The following JUP variants were observed in gnomAD, a reference collection of about 807,000 sequenced individuals.
JUP encodes catenin (cadherin-associated protein), gamma 80kDa.
In JUP, 28 loss-of-function variants were observed where a neutral mutation model predicts 71.1. The ratio of observed to expected loss-of-function variants is 0.39; its 90% CI spans 0.29 to 0.54. The LOEUF (loss-of-function observed/expected upper bound fraction) is 0.54, where lower values mean the gene tolerates loss of function less well. Among genes scored for constraint, JUP ranks in the 20% least tolerant of loss-of-function variants. The probability of loss-of-function intolerance (pLI) is 0.62; values close to 1 mark genes in which losing one functional copy is unlikely to be tolerated. For synonymous variants in JUP, 401 were observed against 438.9 expected, an observed-to-expected ratio of 0.91 and a Z score of 1.08; for missense variants, 869 against 1,030.1, an observed-to-expected ratio of 0.84 and a Z score of 2.14.
In JUP at chr17:41,764,369, T is replaced by C. The variant is rs8081732; in HGVS notation, c.1158+344A>G. On this transcript the variant is annotated intron_variant, in intron 7 of 13. Transcript: ENST00000393931. ...GCCCAACATGGTGAAACCCTGTCTCTAATAAAAATACAAAAATTAGCCAGA... is the reference window on the plus strand; with the variant it reads ...GCCCAACATGGTGAAACCCTGTCTCCAATAAAAATACAAAAATTAGCCAGA... Among the ~76,000 whole-genome samples the C allele has an allele frequency of 0.66, 100,575 of 151,520 alleles. 33,810 individuals carry two copies. The highest frequency in any genetic ancestry group is 0.73 in the Non-Finnish European group (49,547 of 67,872).
chr17:41,775,491 A>G (rs1429048052), intron 1 of JUP, among the ~76,000 whole-genome samples: 1 of 152,212 alleles, frequency 6.6e-6, no homozygotes, highest in South Asian at 2.1e-4. Flanking sequence ...GGAGGGGGCC[A>G]CACCCAGTTC....
intron 1 of JUP, among the ~76,000 whole-genome samples, chr17:41,781,726 G>A (rs1555610319): frequency 6.6e-6 from 1 of 152,222 alleles, no homozygotes; most frequent in Non-Finnish European, 1.5e-5. Flanking sequence ...AGCAATTCCT[G>A]TCTGGCCTCC....
chr17:41,763,608 A>G (rs1021978720), intron 7 of JUP, among the ~76,000 whole-genome samples: 1 of 152,082 alleles, frequency 6.6e-6, no homozygotes, highest in African/African-American at 2.4e-5. Flanking sequence ...TCTTCCCTCC[A>G]ACTCATCAGC....
At chr17:41,772,660 G>A (rs1251878685) in intron 1 of JUP, among the ~76,000 whole-genome samples, 2 of 152,128 alleles carry the variant, frequency 1.3e-5, no homozygotes, top group Admixed American at 6.6e-5. Flanking sequence ...GGTGCTCAGA[G>A]GCCACGGCCA....
In JUP at chr17:41,768,979, G is replaced by A. The variant is rs529126058; in HGVS notation, c.697C>T (p.Arg233Cys). ...FKSGGIPALVRMLSSPVESVL... is the reference protein window; with the variant it reads ...FKSGGIPALVCMLSSPVESVL... ...AGCAGGGTTGGGTACCTGAGCATGC[G>A]GACCAGAGCAGGGATGCCACCCGAC... The change falls in exon 4 of 14, where the codon CGC becomes TGC. Residue 233 changes from arginine (R) to cysteine (C), a missense_variant. Physicochemically the swap from Arg to Cys is radical, Grantham distance 180. Coordinates refer to ENST00000393931, the MANE Select transcript of JUP (RefSeq NM_002230.4). The A allele has an allele frequency of 1.2e-5, 19 of 1,605,472 alleles. No individual in the cohort carries two copies. The highest frequency in any genetic ancestry group is 2.2e-5 in the East Asian group (1 of 44,604).
At chr17:41,764,454 G>A (rs1260488735) in intron 7 of JUP, among the ~76,000 whole-genome samples, 1 of 140,784 alleles carries the variant, frequency 7.1e-6, no homozygotes, top group Non-Finnish European at 1.5e-5. Flanking sequence ...AGAATCACTT[G>A]AGCCCAGGAG....
intron 2 of JUP, 157 bp downstream of exon 2, chr17:41,771,490 A>C: frequency 1.5e-6 from 1 of 665,198 alleles, no homozygotes; most frequent in East Asian, 2.8e-5. Context: ...AAGTAGCTGC[A>C]CCTCCTCCTT....
intron 8 of JUP, among the ~76,000 whole-genome samples, chr17:41,760,138 G>C (rs1377454125): frequency 6.6e-6 from 1 of 150,884 alleles, no homozygotes; most frequent in Non-Finnish European, 1.5e-5. Context: ...ACTCCAGCCT[G>C]GGCAACAGAG....
chr17:41,776,693 C>T (rs781798981), intron 1 of JUP, among the ~76,000 whole-genome samples: 9 of 152,060 alleles, frequency 5.9e-5, no homozygotes, highest in Non-Finnish European at 8.8e-5. Flanking sequence ...GGCAACAGAG[C>T]GAGACCGTGT....
At chr17:41,764,841 C>T (rs374917557) in intron 6 of JUP, 25 bp from the exon 7 acceptor site, 1 of 1,613,654 alleles carries the variant, frequency 6.2e-7, no homozygotes, top group Admixed American at 1.7e-5. Flanking sequence ...GGGGTGCCAT[C>T]AGCCACGGGG....
At chr17:41,769,813 G>A (rs2143700780) in intron 2 of JUP, 136 bp from the exon 3 acceptor site, 1 of 954,662 alleles carries the variant, frequency 1.0e-6, no homozygotes, top group Non-Finnish European at 1.5e-6. Flanking sequence ...GCACATGACT[G>A]GCCATTCTAC....
chr17:41,773,091 G>A (rs181324712), intron 1 of JUP: 1 of 692,798 alleles, frequency 1.4e-6, no homozygotes, highest in Non-Finnish European at 1.8e-6. Context: ...CTGGGACCAG[G>A]TGTGAGGGCA....
chr17:41,761,574 G>C (rs944538578), intron 8 of JUP, among the ~76,000 whole-genome samples: 1 of 152,098 alleles, frequency 6.6e-6, no homozygotes, highest in Non-Finnish European at 1.5e-5. Context: ...CACTTTGGAA[G>C]GCCAAAGTGG....
chr17:41,772,785 C>A (rs1486521517), intron 1 of JUP: 4 of 984,268 alleles, frequency 4.1e-6, no homozygotes, highest in Non-Finnish European at 4.8e-6. Context: ...CCGTCAGGAA[C>A]CCCTCTCTCT....
At chr17:41,783,764 C>CA (rs1324026827) in intron 1 of JUP, among the ~76,000 whole-genome samples, 4 of 151,754 alleles carry the variant, frequency 2.6e-5, no homozygotes, top group South Asian at 2.1e-4. Context: ...ACTAAAAATA[C>CA]AAAAATCAGC....
chr17:41,768,649 C>T (rs1319256223), intron 4 of JUP, among the ~76,000 whole-genome samples: 2 of 152,108 alleles, frequency 1.3e-5, no homozygotes, highest in Non-Finnish European at 2.9e-5. Flanking sequence ...TTTGCTGTTC[C>T]CTCTGCCTGG....
rs373761090 is a variant in JUP, at chr17:41,771,646, C to T, written c.208+1G>A. The T allele has an allele frequency of 1.9e-6, 3 of 1,613,294 alleles. No individual in the cohort carries two copies. In the African/African-American group the frequency reaches 4.0e-5, roughly 22 times the overall value. On this transcript the variant is annotated splice_donor_variant, in intron 2 of 13. Coordinates refer to ENST00000393931, the MANE Select transcript of JUP (RefSeq NM_002230.4). LOFTEE classifies it high-confidence loss of function. ...ATGCAATAGTCCCCAGGGGTCCTGA[C>T]CTTGGCTGGGGGGCACCCCCTGGGT...
chr17:41,778,035 C>T (rs1417197846), intron 1 of JUP, among the ~76,000 whole-genome samples: 1 of 152,168 alleles, frequency 6.6e-6, no homozygotes, highest in Non-Finnish European at 1.5e-5. Flanking sequence ...ACGCAAAATA[C>T]ACAAGTACTC....
intron 1 of JUP, among the ~76,000 whole-genome samples, chr17:41,776,745 G>A (rs374965712): frequency 3.3e-5 from 5 of 152,212 alleles, no homozygotes; most frequent in African/African-American, 9.6e-5. Context: ...GGTGGCTCAC[G>A]CCTGTAATCC....
Sources: gnomAD v4.1 joint callset for allele counts (sites outside exome capture counted in the v4.1 genomes callset) on GRCh38, gnomAD v4.1.1 for gene constraint, MANE v1.5 for transcripts, NCBI Gene and HGNC (gene_info 2026-07-23, HGNC 2026-07-21) for gene names.